FAT4: variants seen among roughly 807,000 people sequenced by gnomAD.
The protein encoded by FAT4 is protocadherin Fat 4.
FAT4 carries 84 observed loss-of-function variants against 303.9 expected under a neutral mutation model. The observed-to-expected ratio is 0.28, with a 90% confidence interval of 0.23 to 0.33. The LOEUF is 0.33. FAT4 is among the 10% of genes least tolerant of loss of function. The pLI, the probability that FAT4 is intolerant of heterozygous loss-of-function variation, is 1.00. For synonymous variants in FAT4, 2,307 were observed against 2,298.8 expected, an observed-to-expected ratio of 1.00 and a Z score of -0.10; for missense variants, 6,005 against 6,146.8, an observed-to-expected ratio of 0.98 and a Z score of 0.77.
intron 2 of FAT4, among the ~76,000 whole-genome samples, chr4:125,347,559 T>A: frequency 6.6e-6 from 1 of 151,580 alleles, no homozygotes; most frequent in East Asian, 1.9e-4. Flanking sequence ...ATATATTTGA[T>A]ATATAATTTG....
In FAT4 at chr4:125,415,074, C is replaced by T; in HGVS notation, c.6111C>T (p.Val2037=). 6.2e-7 allele frequency: 1 copy of T among 1,614,030 alleles called. No homozygotes were observed. The highest frequency in any genetic ancestry group is 8.5e-7 in the Non-Finnish European group (1 of 1,179,954). ...CCAGATTCACAAGCACTGCTCAAGT[C>T]TCCATTATTTTGTTGGATGTAAATG... is the stretch of plus-strand genomic sequence containing the variant. The part of the protein sequence containing the change: ...PASRFTSTAQ[V]SIILLDVNDN... The change falls in exon 6 of 18, where the codon GTC becomes GTT. Residue 2037 remains valine, a synonymous_variant. Coordinates refer to ENST00000394329, the MANE Select transcript of FAT4 (RefSeq NM_001291303.3).
In FAT4 at chr4:125,320,096, G is replaced by T. The variant is rs757523814; in HGVS notation, c.3685G>T (p.Val1229Leu). 1.2e-6 allele frequency: 2 copies of T among 1,613,932 alleles called. No individual in the cohort carries two copies. The highest frequency in any genetic ancestry group is 4.5e-5 in the East Asian group (2 of 44,886). ...ISESAANLTQ[V>L]LRVSASDVDE... ...AGAATCAGCAGCCAATCTGACACAA[G>T]TGTTAAGAGTATCTGCCTCAGATGT... The change falls in exon 2 of 18, where the codon GTG becomes TTG. Residue 1229 changes from valine to leucine, a missense_variant. By Grantham distance (32) the Val-to-Leu change is conservative. Coordinates refer to ENST00000394329, the MANE Select transcript of FAT4 (RefSeq NM_001291303.3).
rs769028469 is a variant in FAT4, at chr4:125,451,041, G to A, written c.10031G>A (p.Arg3344Gln). 1.6e-5 allele frequency: 26 copies of A among 1,614,004 alleles called. No homozygotes were observed. The highest frequency in any genetic ancestry group is 4.5e-5 in the East Asian group (2 of 44,854). ...CACTATTTGATTTTTGGTAATAGTC[G>A]AAAGAAGGGTTTCCAGATCAATAAG... ...EVHYLIFGNS[R>Q]KKGFQINKKT... The change falls in exon 10 of 18, where the codon CGA (arginine) becomes CAA (glutamine). Residue 3344 changes from arginine to glutamine, a missense_variant. By Grantham distance (43) the Arg-to-Gln change is conservative (BLOSUM62 1). Coordinates refer to ENST00000394329, the MANE Select transcript of FAT4 (RefSeq NM_001291303.3).
chr4:125,360,166 A>G (rs1454283847), intron 2 of FAT4, among the ~76,000 whole-genome samples: 1 of 152,108 alleles, frequency 6.6e-6, no homozygotes, highest in Non-Finnish European at 1.5e-5. Context: ...GCCCCTTCGC[A>G]ATATTTCCTC....
intron 7 of FAT4, 55 bp downstream of exon 7, chr4:125,416,677 G>T (rs1270975118): frequency 1.3e-6 from 2 of 1,566,688 alleles, no homozygotes; most frequent in East Asian, 4.5e-5. Context: ...CAGGCACGGT[G>T]GCTCATGCCT....
In FAT4 at chr4:125,351,079, C is replaced by T. The variant is rs545711716; in HGVS notation, c.5175+29493C>T. 2.0e-4 allele frequency among the ~76,000 whole-genome samples: 30 copies of T among 151,534 alleles called. No homozygotes were observed. In the South Asian group the frequency reaches 5.4e-3, roughly 27 times the overall value. On this transcript the variant is annotated intron_variant, in intron 2 of 17. Coordinates refer to ENST00000394329, the MANE Select transcript of FAT4 (RefSeq NM_001291303.3). ...GCCAACAGAAGCTGCACTTAGTGGC[C>T]GCGTGATGTGATTGATTGGTTAGAT...
intron 2 of FAT4, among the ~76,000 whole-genome samples, chr4:125,385,019 TATA>T (rs1229197137): frequency 0.038 from 2,798 of 72,736 alleles, 79 homozygotes; most frequent in South Asian, 0.087. Context: ...TATATATATA[TATA>T]TATTTTTTTT....
intron 5 of FAT4, among the ~76,000 whole-genome samples, chr4:125,413,079 A>G (rs1734908112): frequency 6.6e-6 from 1 of 151,828 alleles, no homozygotes; most frequent in African/African-American, 2.4e-5. Context: ...TGTATATGTT[A>G]TAATGTTTGA....
chr4:125,478,241 A>G (rs1177979714), intron 14 of FAT4, among the ~76,000 whole-genome samples: 1 of 152,170 alleles, frequency 6.6e-6, no homozygotes, highest in East Asian at 1.9e-4. Context: ...TTCTTTTCCT[A>G]CATGTTGTTA....
chr4:125,412,650 A>T (rs2126024780), intron 5 of FAT4, among the ~76,000 whole-genome samples: 1 of 151,932 alleles, frequency 6.6e-6, no homozygotes. Flanking sequence ...TCTGCAATTT[A>T]GCTGTTTACT....
At chr4:125,323,402 G>A (rs1232689501) in intron 2 of FAT4, among the ~76,000 whole-genome samples, 1 of 152,070 alleles carries the variant, frequency 6.6e-6, no homozygotes, top group Non-Finnish European at 1.5e-5. Flanking sequence ...ATTAATAGGG[G>A]ATGATTTGTT....
intron 2 of FAT4, among the ~76,000 whole-genome samples, chr4:125,358,441 C>T (rs990329951): frequency 3.3e-5 from 5 of 151,984 alleles, no homozygotes; most frequent in African/African-American, 1.2e-4. Context: ...AACTCGTTTT[C>T]CTGCAACTAG....
chr4:125,380,400 G>A (rs936201129), intron 2 of FAT4, among the ~76,000 whole-genome samples: 6 of 152,182 alleles, frequency 3.9e-5, no homozygotes, highest in Non-Finnish European at 5.9e-5. Context: ...CCTACACAAT[G>A]TAATGTAGAG....
Position 125,348,632 on chromosome 4 carries a change from C to T in FAT4, c.5175+27046C>T, listed in dbSNP as rs116435712. Among the ~76,000 whole-genome samples, 600 of 151,422 alleles carry T rather than the reference C, an allele frequency of 4.0e-3. 5 individuals carry two copies. The highest frequency in any genetic ancestry group is 0.014 in the African/African-American group (581 of 41,362). On this transcript the variant is annotated intron_variant, in intron 2 of 17. Transcript: ENST00000394329. ...TAATATGAATACACAAATTAATAAT[C>T]CTGGAAAATATGTTCAGATTAAGTA... is the stretch of plus-strand genomic sequence containing the variant.
rs570197012 is a variant in FAT4, at chr4:125,443,409, C to T, written c.7200-2884C>T. Among the ~76,000 whole-genome samples, 457 of 152,234 alleles carry T rather than the reference C, an allele frequency of 3.0e-3. 1 individual carries two copies. Among genetic ancestry groups the T allele is most frequent in the Middle Eastern group, 0.01 (3 of 294 alleles). Reference sequence around the variant, plus strand: ...GTACATTTTCCGTCTTCACTACATTCCCTCAGTTGAGTTTTACCTTCCTTC... The same window carrying T: ...GTACATTTTCCGTCTTCACTACATTTCCTCAGTTGAGTTTTACCTTCCTTC... On this transcript the variant is annotated intron_variant, in intron 8 of 17. Transcript: ENST00000394329.
At position 125,452,197 on chromosome 4, in the gene FAT4, C is replaced by T; in HGVS notation, c.11187C>T (p.Thr3729=). ...LGVPTVKDFL[T]NHYLHFLRIA... ...TACCAACAGTAAAGGACTTCTTGAC[C>T]AACCACTATCTTCATTTTTTACGCA... Residue 3729 remains threonine, a synonymous_variant, in exon 10 of 18, where the codon ACC becomes ACT. Transcript: ENST00000394329. 1.2e-6 allele frequency: 2 copies of T among 1,614,188 alleles called. No homozygotes were observed. The highest frequency in any genetic ancestry group is 1.3e-5 in the African/African-American group (1 of 75,052).
chr4:125,374,547 C>A (rs1578572301), intron 2 of FAT4, among the ~76,000 whole-genome samples: 1 of 152,196 alleles, frequency 6.6e-6, no homozygotes, highest in South Asian at 2.1e-4. Context: ...ACGACCCTTA[C>A]TTATTTTTAA....
chr4:125,405,971 C>T (rs982958472), intron 3 of FAT4, among the ~76,000 whole-genome samples: 1 of 152,006 alleles, frequency 6.6e-6, no homozygotes, highest in African/African-American at 2.4e-5. Context: ...TTCTCACATC[C>T]CATAGATTGC....
intron 2 of FAT4, among the ~76,000 whole-genome samples, chr4:125,335,231 TGTCA>T (rs1386481095): frequency 6.6e-6 from 1 of 152,212 alleles, no homozygotes; most frequent in African/African-American, 2.4e-5. Flanking sequence ...TCTCTTTGTT[TGTCA>T]GTATTTTTAT....
Sources: gnomAD v4.1 joint callset for allele counts (sites outside exome capture counted in the v4.1 genomes callset) on GRCh38, gnomAD v4.1.1 for gene constraint, MANE v1.5 for transcripts, NCBI Gene and HGNC (gene_info 2026-07-23, HGNC 2026-07-21) for gene names.